ABCA10: variants seen among roughly 807,000 people sequenced by gnomAD.
ABCA10 encodes ATP-binding cassette sub-family A member 10.
In ABCA10, 169 loss-of-function variants were observed where a neutral mutation model predicts 187.5. That is an observed-to-expected ratio of 0.90 (90% CI 0.80 to 1.02). The LOEUF (loss-of-function observed/expected upper bound fraction) is 1.02. Ranked by LOEUF, ABCA10 falls within the 50% of genes least tolerant of loss-of-function variation. The pLI, the probability that ABCA10 is intolerant of heterozygous loss-of-function variation, is 0.00. For synonymous variants in ABCA10, 574 were observed against 601.8 expected (o/e 0.95, Z 0.68); for missense variants, 1,727 against 1,812.4 (o/e 0.95, Z 0.86).
chr17:69,174,824 G>C (rs373455360), intron 23 of ABCA10, 47 bp from the exon 24 acceptor site: 27 of 1,439,310 alleles, frequency 1.9e-5, no homozygotes, highest in Non-Finnish European at 2.5e-5. Context: ...AGTTTGAAAA[G>C]ATTTTGTGGT....
chr17:69,193,255 A>G lies in ABCA10; in HGVS notation c.1642-7T>C. ...GTTCATCTAGCAGCAAAACCTACAG[A>G]GGAGGAAACGTATGAAAGCATCTTC... On this transcript the variant is annotated splice_polypyrimidine_tract_variant and splice_region_variant and intron_variant, in intron 14 of 38. Transcript: ENST00000690296. 1 of 1,609,634 alleles carries G rather than the reference A, an allele frequency of 6.2e-7. No homozygotes were observed. The highest frequency in any genetic ancestry group is 1.1e-5 in the South Asian group (1 of 89,966).
At chr17:69,177,388 C>T (rs764502846) in intron 22 of ABCA10, among the ~76,000 whole-genome samples, 1 of 152,136 alleles carries the variant, frequency 6.6e-6, no homozygotes, top group African/African-American at 2.4e-5. Context: ...GGTCCAGACA[C>T]TTTTGTTAGC....
intron 11 of ABCA10, chr17:69,196,424 G>C (rs1215774815): frequency 5.4e-6 from 1 of 184,080 alleles, no homozygotes; most frequent in Non-Finnish European, 1.1e-5. Flanking sequence ...TGGGCGGCGG[G>C]GCAGAGGCGC....
rs781075574 is a variant in ABCA10, at chr17:69,222,646, G to T, written c.86C>A (p.Pro29Gln). 4 of 1,598,802 alleles carry T rather than the reference G, an allele frequency of 2.5e-6. No individual in the cohort carries two copies. The highest frequency in any genetic ancestry group is 3.4e-6 in the Non-Finnish European group (4 of 1,176,240). ...PDEETMDIELPKKYHEMVGVI... is the reference protein window; with the variant it reads ...PDEETMDIELQKKYHEMVGVI... ...TCCCACCATTTCATGGTATTTTTTT[G>T]GAAGTTCTATATCCATGGTCTCTTC... is the stretch of plus-strand genomic sequence containing the variant. Residue 29 changes from proline (P) to glutamine (Q), a missense_variant, in exon 4 of 39, where the codon CCA becomes CAA. Transcript: ENST00000690296.
chr17:69,178,430 C>T (rs1288256459), intron 22 of ABCA10, among the ~76,000 whole-genome samples: 1 of 152,164 alleles, frequency 6.6e-6, no homozygotes, highest in African/African-American at 2.4e-5. Context: ...CCGGTACTTA[C>T]TGGAAATGCA....
chr17:69,194,969 G>A (rs898161696), intron 11 of ABCA10, among the ~76,000 whole-genome samples: 2 of 152,166 alleles, frequency 1.3e-5, no homozygotes, highest in Admixed American at 6.5e-5. Flanking sequence ...CATTGGTAAA[G>A]TATCTCCTGG....
At chr17:69,148,948 G>A in intron 38 of ABCA10, 23 bp from the exon 39 acceptor site, 1 of 1,612,540 alleles carries the variant, frequency 6.2e-7, no homozygotes, top group Non-Finnish European at 8.5e-7. Flanking sequence ...AAATAAAAAA[G>A]ATACAAAAAT....
At chr17:69,243,933 C>A (rs891098546) in intron 1 of ABCA10, among the ~76,000 whole-genome samples, 12 of 152,136 alleles carry the variant, frequency 7.9e-5, no homozygotes, top group African/African-American at 2.9e-4. Context: ...GCTTGAAATT[C>A]TTGAGAACTT....
At chr17:69,161,309 T>C (rs2074216452) in intron 27 of ABCA10, among the ~76,000 whole-genome samples, 1 of 152,210 alleles carries the variant, frequency 6.6e-6, no homozygotes. Context: ...AGATTAAAAG[T>C]TCTGGAGATT....
At chr17:69,167,123 G>A (rs2074259894) in intron 25 of ABCA10, among the ~76,000 whole-genome samples, 1 of 152,182 alleles carries the variant, frequency 6.6e-6, no homozygotes, top group Admixed American at 6.5e-5. Flanking sequence ...TATCTTGCCA[G>A]TAAGGAACTG....
At chr17:69,194,272 C>A (rs2074482751) in intron 12 of ABCA10, 113 bp downstream of exon 12, 3 of 897,474 alleles carry the variant, frequency 3.3e-6, no homozygotes, top group South Asian at 3.0e-5. Context: ...ATTTCCTGCT[C>A]TAAATTATTC....
intron 32 of ABCA10, 35 bp downstream of exon 32, chr17:69,153,796 C>A: frequency 6.3e-7 from 1 of 1,574,852 alleles, no homozygotes; most frequent in Non-Finnish European, 8.6e-7. Flanking sequence ...TTTTCCCCTT[C>A]CTCCTGCTAC....
At position 69,179,144 on chromosome 17, in the gene ABCA10, T is replaced by C. The variant is rs536868071; in HGVS notation, c.2769+3009A>G. ...TTGCAGTGAGCCGAGATCACACCATTGCACTCCAGCTTGGGTGACAAGAGC... is the reference window on the plus strand; with the variant it reads ...TTGCAGTGAGCCGAGATCACACCATCGCACTCCAGCTTGGGTGACAAGAGC... On this transcript the variant is annotated intron_variant, in intron 22 of 38. Coordinates refer to ENST00000690296, the MANE Select transcript of ABCA10 (RefSeq NM_001377321.1). 6 of 151,302 alleles carry C rather than the reference T, an allele frequency of 4.0e-5. No individual in the cohort carries two copies. In the South Asian group the frequency reaches 1.0e-3, roughly 26 times the overall value. 9.4% of individuals were successfully genotyped at this position (151,302 alleles called of 1,614,324 possible).
intron 22 of ABCA10, among the ~76,000 whole-genome samples, chr17:69,175,986 G>T (rs1429115954): frequency 6.6e-6 from 1 of 152,010 alleles, no homozygotes; most frequent in Non-Finnish European, 1.5e-5. Context: ...TAAAACATAT[G>T]AATTATTTAT....
Position 69,155,038 on chromosome 17 carries a change from A to G in ABCA10, c.3675T>C (p.Val1225=), listed in dbSNP as rs980104561. The change falls in exon 30 of 39, where the codon GTT becomes GTC. Residue 1225 remains valine, a synonymous_variant. Coordinates refer to ENST00000690296, the MANE Select transcript of ABCA10 (RefSeq NM_001377321.1). ...TCAAACCTTTTTTAACACAAAAGGA[A>G]ACATTTCTGATGGCTATTTTCTTCT... is the stretch of plus-strand genomic sequence containing the variant. The part of the protein sequence containing the change: ...TRKKKIAIRN[V]SFCVKKGEVL... The G allele has an allele frequency of 1.9e-6, 3 of 1,598,848 alleles. No individual in the cohort carries two copies. The highest frequency in any genetic ancestry group is 2.6e-6 in the Non-Finnish European group (3 of 1,167,342).
rs917447150 is a variant in ABCA10, at chr17:69,148,310, A to G, written c.*517T>C. On this transcript the variant is annotated 3_prime_UTR_variant, in exon 39 of 39. Transcript: ENST00000690296. ...GGCTATCTTCTTCCATATAACTTCA[A>G]TATGTACTAAAATTCACATGCATTT... is the stretch of plus-strand genomic sequence containing the variant. The G allele has an allele frequency of 3.9e-5, 6 of 152,708 alleles. No individual in the cohort carries two copies. Among genetic ancestry groups the G allele is most frequent in the African/African-American group, 1.4e-4 (6 of 41,454 alleles). 9.5% of individuals were successfully genotyped at this position (152,708 alleles called of 1,614,324 possible).
intron 16 of ABCA10, among the ~76,000 whole-genome samples, chr17:69,192,257 G>A (rs1410447997): frequency 7.9e-5 from 12 of 152,158 alleles, no homozygotes; most frequent in Non-Finnish European, 1.6e-4. Flanking sequence ...CAGGGAGTTG[G>A]AGGTTGCAGC....
intron 22 of ABCA10, among the ~76,000 whole-genome samples, chr17:69,180,995 T>A (rs2074376374): frequency 6.6e-6 from 1 of 152,028 alleles, no homozygotes. Context: ...ACACCCCAAG[T>A]TATAAAACAT....
chr17:69,240,291 T>C (rs991158334), intron 1 of ABCA10, among the ~76,000 whole-genome samples: 1 of 152,174 alleles, frequency 6.6e-6, no homozygotes, highest in African/African-American at 2.4e-5. Context: ...TCCTTGTTAT[T>C]GGCCATTAGG....
Sources: gnomAD v4.1 joint callset for allele counts (sites outside exome capture counted in the v4.1 genomes callset) on GRCh38, gnomAD v4.1.1 for gene constraint, MANE v1.5 for transcripts, NCBI Gene and HGNC (gene_info 2026-07-23, HGNC 2026-07-21) for gene names.